RNF212: variants seen among roughly 807,000 people sequenced by gnomAD.
RNF212 encodes the protein probable E3 SUMO-protein ligase RNF212.
A neutral mutation model predicts 34.7 loss-of-function variants in RNF212; 33 were observed. The ratio of observed to expected loss-of-function variants is 0.95; its 90% CI spans 0.72 to 1.27. The LOEUF is 1.27. Among genes scored for constraint, RNF212 ranks in the 50% most tolerant of loss-of-function variants. The pLI, the probability that RNF212 is intolerant of heterozygous loss-of-function variation, is 0.00. For synonymous variants in RNF212, 140 were observed against 136.1 expected, an observed-to-expected ratio of 1.03 and a Z score of -0.20; for missense variants, 377 against 362.2, an observed-to-expected ratio of 1.04 and a Z score of -0.33.
At chr4:1,081,962 A>G in intron 5 of RNF212, 1 of 311,938 alleles carries the variant, frequency 3.2e-6, no homozygotes, top group Non-Finnish European at 6.1e-6. Context: ...TTGAAAGGCC[A>G]CTAAGAGGCC....
At chr4:1,056,860 G>T in intron 4 of RNF212, 1 of 987,956 alleles carries the variant, frequency 1.0e-6, no homozygotes, top group Non-Finnish European at 1.2e-6. Flanking sequence ...TCTGCAGCAG[G>T]CTGGGGATGC....
intron 3 of RNF212, chr4:1,093,357 T>C: frequency 8.7e-7 from 1 of 1,148,066 alleles, no homozygotes; most frequent in East Asian, 2.8e-5. Flanking sequence ...AATAAATCCA[T>C]GATGTGTTAA....
At chr4:1,087,596 GATGGGGTAAAGGGGTGACAGA>G (rs1010663752) in intron 4 of RNF212, among the ~76,000 whole-genome samples, 3 of 150,680 alleles carry the variant, frequency 2.0e-5, no homozygotes, top group African/African-American at 4.9e-5. Flanking sequence ...TGGGTAATAG[GATGGGGTAAAGGGGTGACAGA>G]ATGGGGTTGA....
chr4:1,085,315 G>C (rs555263892), intron 5 of RNF212, among the ~76,000 whole-genome samples: 1 of 152,344 alleles, frequency 6.6e-6, no homozygotes, highest in South Asian at 2.1e-4. Flanking sequence ...CAAAAGCACG[G>C]ATGAGCTAAA....
chr4:1,076,394 T>A (rs1166705323), intron 8 of RNF212, among the ~76,000 whole-genome samples: 1 of 152,206 alleles, frequency 6.6e-6, no homozygotes, highest in African/African-American at 2.4e-5. Flanking sequence ...GAGAGACCCT[T>A]GCACTGTGGC....
chr4:1,079,295 A>G (rs1560110395), intron 8 of RNF212, among the ~76,000 whole-genome samples: 1 of 152,218 alleles, frequency 6.6e-6, no homozygotes, highest in Non-Finnish European at 1.5e-5. Context: ...CAAGACCAAC[A>G]TGGGACCAAC....
At chr4:1,059,843 C>T (rs1441576991) in intron 3 of RNF212, among the ~76,000 whole-genome samples, 3 of 152,174 alleles carry the variant, frequency 2.0e-5, no homozygotes, top group Admixed American at 2.0e-4. Context: ...GCCTGTAATC[C>T]CAGCACTTTG....
rs544513148 is a variant in RNF212, at chr4:1,099,234, C to A, written c.172-2395G>T. Among the ~76,000 whole-genome samples the A allele has an allele frequency of 2.0e-5, 3 of 152,308 alleles. No individual in the cohort carries two copies. The South Asian group carries it at 6.2e-4, about 32-fold the overall frequency. On this transcript the variant is annotated intron_variant, in intron 2 of 9. Coordinates refer to ENST00000433731, the MANE Select transcript of RNF212 (RefSeq NM_001131034.4). ...ATGCATTCACTTTCAACAAAGAATT[C>A]TGAAGTCTGTGAAAATGTGCTTCAA...
chr4:1,074,405 CCCG>C (rs1048182476), intron 8 of RNF212, among the ~76,000 whole-genome samples: 4 of 152,208 alleles, frequency 2.6e-5, no homozygotes, highest in African/African-American at 9.7e-5. Context: ...TCAACTGTGC[CCCG>C]CCAAGACCTC....
Position 1,113,489 on chromosome 4 carries a change from A to C in RNF212, c.-25T>G. On this transcript the variant is annotated 5_prime_UTR_variant, in exon 1 of 10. Transcript: ENST00000433731. ...TGCCAGGCGGGCGACCGCAGCGGCG[A>C]GGCCGGGCCCACGCGAAGCCCACGC... 1 of 1,589,568 alleles carries C rather than the reference A, an allele frequency of 6.3e-7. No individual in the cohort carries two copies. The highest frequency in any genetic ancestry group is 8.6e-7 in the Non-Finnish European group (1 of 1,165,278).
At chr4:1,106,247 CT>C (rs1724805160) in intron 2 of RNF212, among the ~76,000 whole-genome samples, 1 of 118,084 alleles carries the variant, frequency 8.5e-6, no homozygotes, top group African/African-American at 3.0e-5. Flanking sequence ...AACAATTTTA[CT>C]TACACACACA....
At chr4:1,070,196 T>C (rs1236432810), downstream of RNF212, among the ~76,000 whole-genome samples, 5 of 144,522 alleles carry the variant, frequency 3.5e-5, no homozygotes, top group Middle Eastern at 4.0e-3. Context: ...TGGGTGGTTT[T>C]GTAGGGCTGT....
chr4:1,086,373 A>G (rs867878470), intron 4 of RNF212, among the ~76,000 whole-genome samples: 5 of 151,858 alleles, frequency 3.3e-5, no homozygotes, highest in Admixed American at 6.6e-5. Flanking sequence ...CAAGAGAGTG[A>G]CTAGAGTCTA....
intron 2 of RNF212, chr4:1,100,353 C>T (rs538226885): frequency 1.3e-5 from 2 of 159,076 alleles, no homozygotes; most frequent in East Asian, 1.9e-4. Flanking sequence ...AGCTTACTTC[C>T]GAGCTACTGG....
At chr4:1,111,801 G>A (rs1725704131) in intron 1 of RNF212, among the ~76,000 whole-genome samples, 1 of 152,174 alleles carries the variant, frequency 6.6e-6, no homozygotes, top group South Asian at 2.1e-4. Context: ...ATTCACAGTA[G>A]CATTATTTCT....
intron 3 of RNF212, among the ~76,000 whole-genome samples, chr4:1,064,376 A>G (rs768310477): frequency 2.6e-5 from 4 of 152,246 alleles, no homozygotes; most frequent in Non-Finnish European, 5.9e-5. Context: ...CTGAAATAAT[A>G]AAGCACACAG....
chr4:1,082,495 T>G (rs1720513261), intron 5 of RNF212, among the ~76,000 whole-genome samples: 1 of 152,250 alleles, frequency 6.6e-6, no homozygotes, highest in African/African-American at 2.4e-5. Flanking sequence ...ACGAACAGTC[T>G]GCCCTCAGCA....
downstream of RNF212, among the ~76,000 whole-genome samples, chr4:1,068,305 G>A (rs949753830): frequency 2.6e-5 from 4 of 152,152 alleles, no homozygotes; most frequent in East Asian, 5.8e-4. Context: ...CTCACTGGCC[G>A]TTCTGCTATT....
At position 1,058,371 on chromosome 4, in the gene RNF212, G is replaced by A. The variant is rs57452522; in HGVS notation, n.170C>T. On this transcript the variant is annotated non_coding_transcript_exon_variant, in exon 4 of 5. Transcript: ENST00000503206. ...GACTCGTTGTCAGGCCGGGATGCTC[G>A]GGGCCCAGGGAGGAGACGCTGCCTG... 2.2e-5 allele frequency: 22 copies of A among 983,784 alleles called. 1 individual carries two copies. In the East Asian group the frequency reaches 6.9e-4, roughly 31 times the overall value. The allele number at this position is 983,784 out of a possible 1,614,324, so 60.9% of individuals were successfully genotyped here. A position where few individuals can be genotyped will look rare whatever the true frequency, so the allele number is the denominator to read the frequency against.
Sources: gnomAD v4.1 joint callset for allele counts (sites outside exome capture counted in the v4.1 genomes callset) on GRCh38, gnomAD v4.1.1 for gene constraint, MANE v1.5 for transcripts, NCBI Gene and HGNC (gene_info 2026-07-23, HGNC 2026-07-21) for gene names.